The following GARNL3 variants were observed in gnomAD, a reference collection of about 807,000 sequenced individuals.
GARNL3 encodes the protein GTPase activating Rap/RanGAP domain like 3, also known as GTPase-activating Rap/Ran-GAP domain-like protein 3.
GARNL3 carries 63 observed loss-of-function variants against 125.0 expected under a neutral mutation model. The observed-to-expected ratio is 0.50, with a 90% CI of 0.41 to 0.62. The LOEUF (loss-of-function observed/expected upper bound fraction) is 0.62. GARNL3 is among the 20% of genes least tolerant of loss of function. GARNL3 has a pLI of 0.00. For missense variants in GARNL3, 994 were observed against 1,244.0 expected (o/e 0.80, Z 3.02); for synonymous variants, 439 against 457.5 (o/e 0.96, Z 0.52).
chr9:127,342,654 G>A (rs1193566668), intron 14 of GARNL3, among the ~76,000 whole-genome samples: 4 of 152,124 alleles, frequency 2.6e-5, no homozygotes, highest in South Asian at 2.1e-4. Flanking sequence ...TGGGGTGGCT[G>A]TTCTTGGTAA....
At chr9:127,246,198 T>A (rs1564845523) in intron 2 of GARNL3, among the ~76,000 whole-genome samples, 1 of 152,062 alleles carries the variant, frequency 6.6e-6, no homozygotes, top group African/African-American at 2.4e-5. Context: ...GATTTGAAAG[T>A]TGGAAAGATA....
chr9:127,367,923 T>G (rs1451315577), intron 22 of GARNL3, among the ~76,000 whole-genome samples: 2 of 151,952 alleles, frequency 1.3e-5, no homozygotes, highest in Admixed American at 6.6e-5. Context: ...TTGCCTGACA[T>G]GACAGGATTT....
Position 127,390,626 on chromosome 9 carries a change from T to C in GARNL3, c.2744-15T>C, listed in dbSNP as rs749841062. 2.5e-6 allele frequency: 4 copies of C among 1,613,428 alleles called. No individual in the cohort carries two copies. Among genetic ancestry groups the C allele is most frequent in the Non-Finnish European group, 3.4e-6 (4 of 1,179,616 alleles). ...CCTGTGGTAGTGACCCTCTGACCTA[T>C]GATTCTCAATCCAGGCCTCTCGGAT... On this transcript the variant is annotated splice_polypyrimidine_tract_variant and intron_variant, in intron 26 of 27. Coordinates refer to ENST00000373387, the MANE Select transcript of GARNL3 (RefSeq NM_032293.5).
chr9:127,276,568 G>C (rs111346819), intron 1 of GARNL3, among the ~76,000 whole-genome samples: 328 of 152,216 alleles, frequency 2.2e-3, no homozygotes, highest in Middle Eastern at 0.017. Context: ...GTGCATGGGC[G>C]CATTTGCCTA....
chr9:127,267,635 T>C (rs1234257432), intron 1 of GARNL3, among the ~76,000 whole-genome samples: 3 of 152,234 alleles, frequency 2.0e-5, no homozygotes, highest in South Asian at 4.1e-4. Flanking sequence ...TCCGTTCTTA[T>C]TATCTGAGGA....
At chr9:127,347,934 A>G (rs1057132421) in intron 16 of GARNL3, among the ~76,000 whole-genome samples, 4 of 152,218 alleles carry the variant, frequency 2.6e-5, no homozygotes, top group Non-Finnish European at 2.9e-5. Context: ...GCAGTAACAC[A>G]CAGCATTTAC....
At chr9:127,391,299 T>A (rs1236464222) in intron 27 of GARNL3, among the ~76,000 whole-genome samples, 1 of 142,958 alleles carries the variant, frequency 7.0e-6, no homozygotes, top group Non-Finnish European at 1.5e-5. Context: ...AATATATATA[T>A]AATATATATT....
chr9:127,270,701 T>C (rs541108571), intron 1 of GARNL3, among the ~76,000 whole-genome samples: 3 of 152,376 alleles, frequency 2.0e-5, no homozygotes, highest in East Asian at 1.9e-4. Flanking sequence ...TAGCAGTGCT[T>C]ATCACAATCT....
chr9:127,287,944 C>A (rs1210331911), intron 1 of GARNL3, among the ~76,000 whole-genome samples: 2 of 152,182 alleles, frequency 1.3e-5, no homozygotes, highest in Non-Finnish European at 2.9e-5. Flanking sequence ...TTTTATATCC[C>A]TTTGGCCATT....
intron 1 of GARNL3, among the ~76,000 whole-genome samples, chr9:127,267,460 A>G (rs1272772913): frequency 1.3e-5 from 2 of 152,120 alleles, no homozygotes; most frequent in African/African-American, 4.8e-5. Flanking sequence ...GTCTTCTTAT[A>G]TAGTCTTCAG....
intron 1 of GARNL3, among the ~76,000 whole-genome samples, chr9:127,282,810 G>A (rs2064139398): frequency 6.6e-6 from 1 of 152,052 alleles, no homozygotes; most frequent in Non-Finnish European, 1.5e-5. Flanking sequence ...GTGAAACAAA[G>A]CAGTAAAATA....
intron 1 of GARNL3, among the ~76,000 whole-genome samples, chr9:127,284,091 G>A (rs144562727): frequency 1.6e-4 from 24 of 152,238 alleles, no homozygotes; most frequent in African/African-American, 4.6e-4. Flanking sequence ...TGTGGCTCTC[G>A]TGTAGCTCCG....
chr9:127,269,553 A>G (rs1258485219), intron 1 of GARNL3, among the ~76,000 whole-genome samples: 3 of 152,178 alleles, frequency 2.0e-5, no homozygotes, highest in Non-Finnish European at 4.4e-5. Context: ...CAAAGTTTCT[A>G]TTTCTCCACA....
rs774388396 is a variant in GARNL3, at chr9:127,338,098, C to T, written c.983-18C>T. The T allele has an allele frequency of 1.3e-6, 2 of 1,593,294 alleles. No homozygotes were observed. The highest frequency in any genetic ancestry group is 3.3e-5 in the Admixed American group (2 of 60,002). ...TGAGCATCAGTGTTGTGATTAGTTC[C>T]CTTAACCATCACCACAGATATTTTT... On this transcript the variant is annotated intron_variant, in intron 11 of 27. Coordinates refer to ENST00000373387, the MANE Select transcript of GARNL3 (RefSeq NM_032293.5).
intron 12 of GARNL3, among the ~76,000 whole-genome samples, chr9:127,338,602 G>A (rs1829681063): frequency 6.6e-6 from 1 of 152,200 alleles, no homozygotes. Context: ...TCTTCTTGAA[G>A]CCTCAGGCCT....
intron 16 of GARNL3, among the ~76,000 whole-genome samples, chr9:127,346,604 C>T (rs758978576): frequency 6.6e-6 from 1 of 152,138 alleles, no homozygotes; most frequent in Non-Finnish European, 1.5e-5. Flanking sequence ...ATATTAAAAA[C>T]AGAAGTCTGT....
intron 2 of GARNL3, among the ~76,000 whole-genome samples, chr9:127,247,812 T>C (rs935203909): frequency 4.6e-5 from 7 of 152,208 alleles, no homozygotes; most frequent in Non-Finnish European, 8.8e-5. Flanking sequence ...TTTAAAAATG[T>C]ACAATTCAAT....
At chr9:127,265,364 G>C (rs1292934629) in intron 1 of GARNL3, among the ~76,000 whole-genome samples, 3 of 152,030 alleles carry the variant, frequency 2.0e-5, no homozygotes, top group Non-Finnish European at 4.4e-5. Flanking sequence ...TATAAATCTA[G>C]TTTTCAAGGT....
chr9:127,358,952 A>G (rs1830828520), intron 21 of GARNL3, among the ~76,000 whole-genome samples: 1 of 146,228 alleles, frequency 6.8e-6, no homozygotes, highest in South Asian at 2.2e-4. Flanking sequence ...GGCCAAGCCA[A>G]TTATATCAGA....
Sources: gnomAD v4.1 joint callset for allele counts (sites outside exome capture counted in the v4.1 genomes callset) on GRCh38, gnomAD v4.1.1 for gene constraint, MANE v1.5 for transcripts, NCBI Gene and HGNC (gene_info 2026-07-23, HGNC 2026-07-21) for gene names.